GGT5: variants seen among roughly 807,000 people sequenced by gnomAD.
GGT5 encodes the protein glutathione hydrolase 5 proenzyme.
In GGT5, 50 loss-of-function variants were observed where a neutral mutation model predicts 58.1. The observed-to-expected ratio is 0.86, with a 90% CI of 0.69 to 1.09. GGT5 has a LOEUF of 1.09. GGT5 is among the 50% of genes least tolerant of loss of function. The probability of loss-of-function intolerance (pLI) is 0.00; values close to 1 mark genes in which losing one functional copy is unlikely to be tolerated. For missense variants in GGT5, 800 were observed against 789.4 expected (o/e 1.01, Z -0.16); for synonymous variants, 370 against 346.1 (o/e 1.07, Z -0.77).
At position 24,226,062 on chromosome 22, in the gene GGT5, C is replaced by T; in HGVS notation, c.1229+14G>A. On this transcript the variant is annotated intron_variant, in intron 8 of 11. Coordinates refer to ENST00000327365, the MANE Select transcript of GGT5 (RefSeq NM_004121.5). ...AGGAGTGAAGCCATCCGCCTTCCCC[C>T]AGGCCCTACGCACGGTGTGTTGATG... is the stretch of plus-strand genomic sequence containing the variant. 6.5e-7 allele frequency: 1 copy of T among 1,550,182 alleles called. No individual in the cohort carries two copies. The highest frequency in any genetic ancestry group is 1.4e-5 in the African/African-American group (1 of 73,872).
chr22:24,220,018 C>T lies in GGT5; in HGVS notation c.1713G>A (p.Val571=). 1 of 1,614,110 alleles carries T rather than the reference C, an allele frequency of 6.2e-7. No homozygotes were observed. Among genetic ancestry groups the T allele is most frequent in the Non-Finnish European group, 8.5e-7 (1 of 1,179,950 alleles). Residue 571 remains valine, a synonymous_variant, in exon 12 of 12, where the codon GTG becomes GTA. Coordinates refer to ENST00000327365, the MANE Select transcript of GGT5 (RefSeq NM_004121.5). The stretch of plus-strand genomic sequence containing the variant: ...TCTTCCTCAGGTCCGAGACGGCGTA[C>T]ACACAGGCCCCCTCCTGGGACACAG... ...VQAVSQEGAC[V]YAVSDLRKSG...
intron 1 of GGT5, among the ~76,000 whole-genome samples, chr22:24,240,036 A>G (rs1190004552): frequency 6.6e-6 from 1 of 152,224 alleles, no homozygotes. Context: ...CAGTGAACCA[A>G]GATTGCTCCA....
intron 6 of GGT5, 94 bp from the exon 7 acceptor site, chr22:24,226,861 A>C: frequency 9.7e-7 from 1 of 1,031,160 alleles, no homozygotes; most frequent in Non-Finnish European, 1.5e-6. Context: ...ATCCACCCAC[A>C]TCCTAATTCC....
At chr22:24,229,518 G>A (rs1304737603) in intron 6 of GGT5, among the ~76,000 whole-genome samples, 1 of 151,490 alleles carries the variant, frequency 6.6e-6, no homozygotes, top group East Asian at 2.0e-4. Flanking sequence ...TTGTGTGATG[G>A]GTGCATCAAG....
rs907036517 is a variant in GGT5 at position 24,238,207 on chromosome 22, G to A, written c.174-4203C>T. Among the ~76,000 whole-genome samples the A allele has an allele frequency of 4.1e-5, 6 of 145,242 alleles. No homozygotes were observed. The Admixed American group carries it at 4.2e-4, about 10-fold the overall frequency. ...TCTTCCCACCACACCCCAGCCTGGG[G>A]GACAGAGTGAGGCTCCGTCTCAAAA... On this transcript the variant is annotated intron_variant, in intron 1 of 11. Transcript: ENST00000327365.
chr22:24,235,055 T>A (rs1405062445), intron 1 of GGT5, among the ~76,000 whole-genome samples: 4 of 141,786 alleles, frequency 2.8e-5, no homozygotes, highest in Non-Finnish European at 4.6e-5. Context: ...GCCAGCTTTT[T>A]TTTTTTTTTT....
chr22:24,226,072 G>A lies in GGT5; in HGVS notation c.1229+4C>T, dbSNP rs368797781. 70 of 1,576,076 alleles carry A rather than the reference G, an allele frequency of 4.4e-5. No homozygotes were observed. The highest frequency in any genetic ancestry group is 5.5e-5 in the Non-Finnish European group (64 of 1,157,210). On this transcript the variant is annotated splice_donor_region_variant and intron_variant, in intron 8 of 11. Coordinates refer to ENST00000327365, the MANE Select transcript of GGT5 (RefSeq NM_004121.5). ...CCATCCGCCTTCCCCCAGGCCCTAC[G>A]CACGGTGTGTTGATGGTGCTGGTGG...
At chr22:24,237,007 C>CTTTTTTTTTTTTTTTTTTTTCT in intron 1 of GGT5, among the ~76,000 whole-genome samples, 1 of 131,124 alleles carries the variant, frequency 7.6e-6, no homozygotes, top group Non-Finnish European at 1.6e-5. Context: ...TCTTTTCTCT[C>CTTTTTTTTTTTTTTTTTTTTCT]TTTTTTTTTT....
At chr22:24,232,341 G>T (rs2047970551) in intron 4 of GGT5, 133 bp from the exon 5 acceptor site, 2 of 566,388 alleles carry the variant, frequency 3.5e-6, no homozygotes, top group Non-Finnish European at 6.2e-6. Context: ...AGGCACTGGG[G>T]TGGACACCGG....
chr22:24,221,949 T>C (rs1386916626), intron 11 of GGT5, among the ~76,000 whole-genome samples: 1 of 151,228 alleles, frequency 6.6e-6, no homozygotes, highest in East Asian at 2.0e-4. Context: ...GAGGCCAAGG[T>C]GGGCAGATCA....
intron 6 of GGT5, 91 bp from the exon 7 acceptor site, chr22:24,226,858 C>G (rs1163527109): frequency 3.7e-6 from 4 of 1,087,888 alleles, no homozygotes; most frequent in Non-Finnish European, 5.6e-6. Context: ...AAGATCCACC[C>G]ACATCCTAAT....
At position 24,225,614 on chromosome 22, in the gene GGT5, A is replaced by AT. The variant is rs1487622725; in HGVS notation, c.1267dup (p.Ile423AsnfsTer90). The AT allele has an allele frequency of 6.2e-7, 1 of 1,613,280 alleles. No homozygotes were observed. Among genetic ancestry groups the AT allele is most frequent in the South Asian group, 1.1e-5 (1 of 91,060 alleles). On this transcript the variant is annotated frameshift_variant, in exon 9 of 12. Transcript: ENST00000327365. LOFTEE classifies it high-confidence loss of function. ...TAAGTCCAGGAGCTCGTTGTTGAGG[A>AT]TGATGCCTGTCCGTGGTGAATACAC... is the stretch of plus-strand genomic sequence containing the variant.
chr22:24,237,509 A>G (rs758294871), intron 1 of GGT5, among the ~76,000 whole-genome samples: 2 of 152,026 alleles, frequency 1.3e-5, no homozygotes, highest in Non-Finnish European at 2.9e-5. Context: ...CCTGGGTTCA[A>G]GCAATTCTCC....
rs1366262941 is a variant in GGT5 at position 24,225,361 on chromosome 22, G to A, written c.1387C>T (p.Pro463Ser). 4 of 1,612,520 alleles carry A rather than the reference G, an allele frequency of 2.5e-6. No individual in the cohort carries two copies. Among genetic ancestry groups the A allele is most frequent in the Non-Finnish European group, 3.4e-6 (4 of 1,179,286 alleles). The part of the protein sequence containing the change: ...GAPGRCWPPV[P>S]GERSPSSMVP... ...ATGGAGGATGGGGAACGCTCGCCTG[G>A]AACTGGGGGCCAGCACCTTCCGGGA... Residue 463 changes from proline to serine, a missense_variant, in exon 10 of 12, where the codon CCA becomes TCA. Transcript: ENST00000327365.
intron 6 of GGT5, among the ~76,000 whole-genome samples, chr22:24,227,962 T>C (rs1285242806): frequency 6.8e-6 from 1 of 147,188 alleles, no homozygotes; most frequent in African/African-American, 2.5e-5. Flanking sequence ...GGAGGGAGAA[T>C]TGCTTGAACC....
intron 1 of GGT5, among the ~76,000 whole-genome samples, chr22:24,238,933 T>A (rs9608259): frequency 9.8e-5 from 2 of 20,418 alleles, no homozygotes; most frequent in African/African-American, 2.2e-4. Flanking sequence ...ATAATATATA[T>A]TATATAATAT....
At chr22:24,222,810 G>T (rs1412547236) in intron 11 of GGT5, among the ~76,000 whole-genome samples, 1 of 152,064 alleles carries the variant, frequency 6.6e-6, no homozygotes, top group Non-Finnish European at 1.5e-5. Flanking sequence ...GGGCGCGGTG[G>T]CTCACGCCTA....
At position 24,244,621 on chromosome 22, in the gene GGT5, TG is replaced by T; in HGVS notation, c.104del (p.Pro35HisfsTer65). On this transcript the variant is annotated frameshift_variant, in exon 1 of 12. Coordinates refer to ENST00000327365, the MANE Select transcript of GGT5 (RefSeq NM_004121.5). LOFTEE classifies it high-confidence loss of function. ...LAVVLSRHQA[P>X]CGPQAFAHAA... The stretch of plus-strand genomic sequence containing the variant: ...CGTGGGCAAAGGCCTGGGGGCCACA[TG>T]GGGCCTGGTGTCGAGAGAGGACCAC... 6.2e-7 allele frequency: 1 copy of T among 1,612,728 alleles called. No individual in the cohort carries two copies. Among genetic ancestry groups the T allele is most frequent in the Non-Finnish European group, 8.5e-7 (1 of 1,179,876 alleles).
At position 24,220,065 on chromosome 22, in the gene GGT5, A is replaced by C. The variant is rs756906764; in HGVS notation, c.1666T>G (p.Phe556Val). The change falls in exon 12 of 12, where the codon TTC becomes GTC. Residue 556 changes from phenylalanine to valine, a missense_variant. Phe to Val is a conservative substitution (Grantham distance 50). Transcript: ENST00000327365. ...DRGQNQTQRPFFLNVVQAVSQ... is the reference protein window; with the variant it reads ...DRGQNQTQRPVFLNVVQAVSQ... ...ACAGCCTGGACCACGTTCAGGAAGA[A>C]GGGCCTCTGGGTCTGGTTCTGGCCA... The C allele has an allele frequency of 6.5e-5, 105 of 1,614,032 alleles. No homozygotes were observed. Among genetic ancestry groups the C allele is most frequent in the Non-Finnish European group, 8.4e-5 (99 of 1,179,994 alleles).
Sources: gnomAD v4.1 joint callset for allele counts (sites outside exome capture counted in the v4.1 genomes callset) on GRCh38, gnomAD v4.1.1 for gene constraint, MANE v1.5 for transcripts, NCBI Gene and HGNC (gene_info 2026-07-23, HGNC 2026-07-21) for gene names.